Variants in SCN1A observed in about 807,000 individuals in gnomAD.
SCN1A encodes sodium channel protein type 1 subunit alpha.
SCN1A carries 13 observed loss-of-function variants against 193.7 expected under a neutral mutation model. The ratio of observed to expected loss-of-function variants is 0.07; its 90% CI spans 0.04 to 0.11. The LOEUF (loss-of-function observed/expected upper bound fraction) is 0.11. Ranked by LOEUF, SCN1A falls within the 10% of genes least tolerant of loss-of-function variation. The pLI is 1.00. For synonymous variants in SCN1A, 781 were observed against 843.6 expected (o/e 0.93, Z 1.29); for missense variants, 1,432 against 2,451.1 (o/e 0.58, Z 8.78).
intron 23 of SCN1A, chr2:166,009,463 A>G (rs1692115433): frequency 7.7e-6 from 2 of 259,256 alleles, no homozygotes. Flanking sequence ...TAGATTTGTA[A>G]GGAAACTCCC....
Position 166,042,311 on chromosome 2 carries a change from A to G in SCN1A, c.2157T>C (p.Ile719=). 6.2e-7 allele frequency: 1 copy of G among 1,613,904 alleles called. No homozygotes were observed. ...ACCAACCTTCTACTGTATTTGTTAG[A>G]ATGCTGGCTATACTCATTGCTCGTT... ...QRQRAMSIAS[I]LTNTVEELEE... is the part of the protein sequence containing the mutation. Residue 719 remains isoleucine (I), a synonymous_variant, in exon 15 of 29, where the codon ATT becomes ATC. Transcript: ENST00000674923.
Position 166,118,298 on chromosome 2 carries a change from G to GCTTCTTTTTTTTTTTTTTTTTT in SCN1A, c.-142+8625_-142+8626insAAAAAAAAAAAAAAAAAAGAAG, listed in dbSNP as rs371947861. On this transcript the variant is annotated intron_variant, in intron 2 of 28. Coordinates refer to ENST00000674923, the MANE Select transcript of SCN1A (RefSeq NM_001165963.4). ...TTCTTTGCTTACTGATTTCTATTTA[G>GCTTCTTTTTTTTTTTTTTTTTT]TTTCTTTTTTTTTTTTTTTTTTTTT... 1.1e-3 allele frequency among the ~76,000 whole-genome samples: 50 copies of GCTTCTTTTTTTTTTTTTTTTTT among 44,726 alleles called. 19 individuals carry two copies. Among genetic ancestry groups the GCTTCTTTTTTTTTTTTTTTTTT allele is most frequent in the African/African-American group, 2.8e-3 (39 of 13,758 alleles). The allele number at this position is 44,726 out of a possible 152,430, so 29.3% of individuals were successfully genotyped here. A position where few individuals can be genotyped will look rare whatever the true frequency, so the allele number is the denominator to read the frequency against.
At chr2:166,136,344 C>T (rs886686705) in intron 1 of SCN1A, among the ~76,000 whole-genome samples, 2 of 152,128 alleles carry the variant, frequency 1.3e-5, no homozygotes, top group Non-Finnish European at 2.9e-5. Context: ...TTCCCATGCT[C>T]TTAGCAAGGA....
At position 166,099,235 on chromosome 2, in the gene SCN1A, A is replaced by G. The variant is rs374194581; in HGVS notation, c.-141-21434T>C. Among the ~76,000 whole-genome samples the G allele has an allele frequency of 1.5e-3, 227 of 152,048 alleles. 1 individual carries two copies. The highest frequency in any genetic ancestry group is 5.1e-3 in the African/African-American group (211 of 41,460). ...CGCAAATCAATAAATGTAATCCAGC[A>G]TATAAACAGAGCCAAAGACAAAAAC... On this transcript the variant is annotated intron_variant, in intron 2 of 28. Transcript: ENST00000674923.
intron 24 of SCN1A, among the ~76,000 whole-genome samples, chr2:166,000,330 G>T (rs1186730933): frequency 6.6e-6 from 1 of 151,616 alleles, no homozygotes; most frequent in Non-Finnish European, 1.5e-5. Context: ...TAAGAATTTT[G>T]CATCAAAACA....
At chr2:166,012,309 A>T in intron 21 of SCN1A, 27 bp from the exon 22 acceptor site, 2 of 1,554,240 alleles carry the variant, frequency 1.3e-6, no homozygotes, top group Non-Finnish European at 1.8e-6. Context: ...ACACATTATT[A>T]GCTTTCAAAA....
At chr2:166,009,660 A>T in intron 23 of SCN1A, 59 bp downstream of exon 23, 1 of 1,517,354 alleles carries the variant, frequency 6.6e-7, no homozygotes, top group Admixed American at 2.1e-5. Flanking sequence ...CTTTTTCTAA[A>T]TTTAATTTAG....
chr2:166,036,195 T>C lies in SCN1A; in HGVS notation c.3282A>G (p.Lys1094=), dbSNP rs1448958205. ...TGTAATCACTTTCATCAATAATGTA[T>C]TTTTCAACACTGCTGCCAGTTCCTA... ...SGIGTGSSVE[K]YIIDESDYMS... is the part of the protein sequence containing the mutation. The change falls in exon 19 of 29, where the codon AAA becomes AAG. Residue 1094 remains lysine, a synonymous_variant. Coordinates refer to ENST00000674923, the MANE Select transcript of SCN1A (RefSeq NM_001165963.4). 6.2e-7 allele frequency: 1 copy of C among 1,614,028 alleles called. No homozygotes were observed. Among genetic ancestry groups the C allele is most frequent in the South Asian group, 1.1e-5 (1 of 91,076 alleles).
chr2:166,047,796 C>T (rs780554190), intron 10 of SCN1A, 28 bp from the exon 11 acceptor site: 1 of 1,613,028 alleles, frequency 6.2e-7, no homozygotes, highest in East Asian at 2.2e-5. Context: ...GAAAGTATTA[C>T]AAGTCGTTCT....
intron 1 of SCN1A, among the ~76,000 whole-genome samples, chr2:166,134,304 C>T (rs1289248582): frequency 6.6e-6 from 1 of 152,138 alleles, no homozygotes; most frequent in African/African-American, 2.4e-5. Flanking sequence ...CAAGTTTTCC[C>T]ACAGTTTAAC....
chr2:166,093,210 A>G (rs1687010800), intron 2 of SCN1A, among the ~76,000 whole-genome samples: 1 of 152,004 alleles, frequency 6.6e-6, no homozygotes, highest in Non-Finnish European at 1.5e-5. Context: ...AAAAACAGAA[A>G]TAACAGTAGC....
rs1283063011 is a variant in SCN1A at position 165,987,512 on chromosome 2, A to G, written c.*3733T>C. On this transcript the variant is annotated 3_prime_UTR_variant, in exon 29 of 29. Coordinates refer to ENST00000674923, the MANE Select transcript of SCN1A (RefSeq NM_001165963.4). ...TTCTAACTCCGTTATTTCTTCTACA[A>G]TTGTTAATTAACATTCAACTGCAAG... is the stretch of plus-strand genomic sequence containing the variant. The G allele has an allele frequency of 6.6e-6, 1 of 152,158 alleles. No individual in the cohort carries two copies. Among genetic ancestry groups the G allele is most frequent in the Non-Finnish European group, 1.5e-5 (1 of 68,014 alleles). 9.4% of individuals were successfully genotyped at this position (152,158 alleles called of 1,614,324 possible). A position where few individuals can be genotyped will look rare whatever the true frequency, so the allele number is the denominator to read the frequency against.
At chr2:166,005,709 A>G (rs1394395312) in intron 23 of SCN1A, among the ~76,000 whole-genome samples, 1 of 151,386 alleles carries the variant, frequency 6.6e-6, no homozygotes, top group Non-Finnish European at 1.5e-5. Context: ...TTGGTTCAGC[A>G]AAGAAGGAGG....
intron 19 of SCN1A, among the ~76,000 whole-genome samples, chr2:166,020,201 C>T (rs1307540232): frequency 6.6e-6 from 1 of 152,110 alleles, no homozygotes; most frequent in African/African-American, 2.4e-5. Context: ...TGATCCACCA[C>T]GCCCGGCCCA....
intron 2 of SCN1A, among the ~76,000 whole-genome samples, chr2:166,097,415 C>T (rs1018177178): frequency 1.3e-5 from 2 of 152,086 alleles, no homozygotes; most frequent in Non-Finnish European, 2.9e-5. Flanking sequence ...CTACCTCATC[C>T]TTTAGTCTTT....
intron 12 of SCN1A, among the ~76,000 whole-genome samples, chr2:166,046,329 T>A (rs1358006809): frequency 6.6e-6 from 1 of 152,106 alleles, no homozygotes; most frequent in Non-Finnish European, 1.5e-5. Context: ...CACTTCCTTA[T>A]AAAGGTAATA....
chr2:166,084,277 C>G (rs1685859044), intron 2 of SCN1A, among the ~76,000 whole-genome samples: 1 of 150,898 alleles, frequency 6.6e-6, no homozygotes, highest in African/African-American at 2.4e-5. Context: ...CTCTCCCCAC[C>G]CCTTCCCACT....
At chr2:166,116,374 A>T (rs549119866) in intron 2 of SCN1A, among the ~76,000 whole-genome samples, 1 of 152,272 alleles carries the variant, frequency 6.6e-6, no homozygotes, top group East Asian at 1.9e-4. Context: ...AACAATTTTT[A>T]CTCACTTTAT....
At position 166,009,766 on chromosome 2, in the gene SCN1A, T is replaced by G; in HGVS notation, c.3955A>C (p.Arg1319=). The G allele has an allele frequency of 6.2e-7, 1 of 1,607,472 alleles. No homozygotes were observed. The highest frequency in any genetic ancestry group is 8.5e-7 in the Non-Finnish European group (1 of 1,175,372). Residue 1319 remains arginine (R), a synonymous_variant, in exon 23 of 29, where the codon AGA becomes CGA. Coordinates refer to ENST00000674923, the MANE Select transcript of SCN1A (RefSeq NM_001165963.4). Reference sequence around the variant, plus strand: ...AAGGCTCTTAGAGGTCTCAGAGCTCTTAGTGTCCTGAGAGATTTGATGGCT... The same window carrying G: ...AAGGCTCTTAGAGGTCTCAGAGCTCGTAGTGTCCTGAGAGATTTGATGGCT... ...LGAIKSLRTL[R]ALRPLRALSR...
Sources: allele counts gnomAD v4.1 joint callset (sites outside exome capture counted in the v4.1 genomes callset), GRCh38; gene constraint gnomAD v4.1.1; transcripts MANE v1.5; gene names NCBI Gene and HGNC (gene_info 2026-07-23, HGNC 2026-07-21).